The following ITGA3 variants were observed in gnomAD, a reference collection of about 807,000 sequenced individuals.
ITGA3 encodes the protein integrin subunit alpha 3, also known as integrin alpha-3.
A neutral mutation model predicts 131.1 loss-of-function variants in ITGA3; 70 were observed. That is an observed-to-expected ratio of 0.53 (90% CI 0.44 to 0.65). ITGA3 has a LOEUF of 0.65. Among genes scored for constraint, ITGA3 ranks in the 30% least tolerant of loss-of-function variants. The probability of loss-of-function intolerance (pLI) is 0.00; values close to 1 mark genes in which losing one functional copy is unlikely to be tolerated. For synonymous variants in ITGA3, 537 were observed against 571.6 expected (o/e 0.94, Z 0.86); for missense variants, 1,098 against 1,388.6 (o/e 0.79, Z 3.33).
At chr17:50,081,641 G>A (rs1436973368) in intron 23 of ITGA3, among the ~76,000 whole-genome samples, 1 of 152,180 alleles carries the variant, frequency 6.6e-6, no homozygotes, top group Admixed American at 6.5e-5. Flanking sequence ...TGATGCTAAT[G>A]TGCAGCCAGG....
intron 21 of ITGA3, 58 bp downstream of exon 21, chr17:50,079,615 G>A (rs1909093011): frequency 6.9e-7 from 1 of 1,448,128 alleles, no homozygotes; most frequent in Admixed American, 2.7e-5. Flanking sequence ...AGGGTGCCTG[G>A]GCACCAGGGG....
At chr17:50,072,277 C>T in intron 7 of ITGA3, 95 bp downstream of exon 7, 1 of 1,132,072 alleles carries the variant, frequency 8.8e-7, no homozygotes, top group Middle Eastern at 3.0e-4. Flanking sequence ...TCAGGCTTGA[C>T]AGGGCCCACA....
At chr17:50,077,182 T>C (rs1797088006) in intron 15 of ITGA3, 61 bp downstream of exon 15, 1 of 1,476,738 alleles carries the variant, frequency 6.8e-7, no homozygotes, top group Admixed American at 2.2e-5. Context: ...TGCATCCCCA[T>C]ATCCATGTCC....
chr17:50,075,659 G>A lies in ITGA3; in HGVS notation c.1598G>A (p.Gly533Asp), dbSNP rs781527442. The A allele has an allele frequency of 6.2e-7, 1 of 1,614,230 alleles. No individual in the cohort carries two copies. Among genetic ancestry groups the A allele is most frequent in the Non-Finnish European group, 8.5e-7 (1 of 1,180,044 alleles). Residue 533 changes from glycine to aspartate, a missense_variant, in exon 12 of 26, where the codon GGC becomes GAC. Physicochemically the swap from Gly to Asp is moderately conservative, Grantham distance 94 (BLOSUM62 -1). This residue lies in a region of ITGA3 where 699 missense variants were observed against 829.2 expected (regional missense o/e 0.84). Transcript: ENST00000320031. ...CGGCCGCCCCGGCTCCGCTTTGCCGGCAGTGAGTCCGCTGTCTTCCACGGC... is the reference window on the plus strand; with the variant it reads ...CGGCCGCCCCGGCTCCGCTTTGCCGACAGTGAGTCCGCTGTCTTCCACGGC... ...DRRPPRLRFAGSESAVFHGFF... is the reference protein window; with the variant it reads ...DRRPPRLRFADSESAVFHGFF...
chr17:50,065,885 A>C (rs1908316878), intron 3 of ITGA3: 1 of 151,878 alleles, frequency 6.6e-6, no homozygotes, highest in Non-Finnish European at 1.5e-5. Context: ...TATAAAAAAT[A>C]AGCCGGGTGC....
chr17:50,081,521 C>T, intron 23 of ITGA3, 113 bp downstream of exon 23: 1 of 797,530 alleles, frequency 1.3e-6, no homozygotes, highest in South Asian at 1.7e-5. Context: ...ATCTTGGCCA[C>T]ACGGTAAGAG....
At position 50,081,368 on chromosome 17, in the gene ITGA3, C is replaced by A; in HGVS notation, c.2879C>A (p.Thr960Asn). ...GGCTGGGCTACCCTATTCCTCCGAACCAGCATCCCCACCATCAACATGGAG... is the reference window on the plus strand; with the variant it reads ...GGCTGGGCTACCCTATTCCTCCGAAACAGCATCCCCACCATCAACATGGAG... ...VNGWATLFLR[T>N]SIPTINMENK... The change falls in exon 23 of 26, where the codon ACC becomes AAC. Residue 960 changes from threonine to asparagine, a missense_variant. Physicochemically the swap from Thr to Asn is moderately conservative, Grantham distance 65. Coordinates refer to ENST00000320031, the MANE Select transcript of ITGA3 (RefSeq NM_002204.4). 1 of 1,589,702 alleles carries A rather than the reference C, an allele frequency of 6.3e-7. No individual in the cohort carries two copies. Among genetic ancestry groups the A allele is most frequent in the Admixed American group, 1.8e-5 (1 of 56,902 alleles).
At chr17:50,068,647 A>G (rs1472414526) in intron 4 of ITGA3, among the ~76,000 whole-genome samples, 1 of 151,626 alleles carries the variant, frequency 6.6e-6, no homozygotes, top group East Asian at 1.9e-4. Flanking sequence ...GACCGCAGGC[A>G]TGTGCCACTA....
intron 24 of ITGA3, 107 bp downstream of exon 24, chr17:50,087,976 C>A (rs146828784): frequency 7.1e-7 from 1 of 1,408,962 alleles, no homozygotes; most frequent in Non-Finnish European, 9.5e-7. Context: ...ATCTCACCCC[C>A]ACCCTTCCTC....
At chr17:50,087,533 G>T in intron 23 of ITGA3, 6 of 504,174 alleles carry the variant, frequency 1.2e-5, no homozygotes, top group Non-Finnish European at 2.1e-5. Flanking sequence ...ATCTGAGGCC[G>T]CTCCTCTGGA....
At position 50,064,314 on chromosome 17, in the gene ITGA3, G is replaced by A. The variant is rs150880382; in HGVS notation, c.334+110G>A. ...AGGCTTGTTCACACGGCTTCTAGTC[G>A]CTTCTTGTCCAGCTGGGAAGAGGGT... On this transcript the variant is annotated intron_variant, in intron 2 of 25. Coordinates refer to ENST00000320031, the MANE Select transcript of ITGA3 (RefSeq NM_002204.4). The surrounding 1 kb of genome is among the most constrained non-coding windows in gnomAD (Gnocchi z 4.4). The A allele has an allele frequency of 2.7e-4, 377 of 1,408,286 alleles. No individual in the cohort carries two copies. In the African/African-American group the frequency reaches 5.0e-3, roughly 19 times the overall value. The allele number at this position is 1,408,286 out of a possible 1,614,324, so 87.2% of individuals were successfully genotyped here.
intron 22 of ITGA3, 115 bp downstream of exon 22, chr17:50,080,490 G>A (rs954813284): frequency 3.3e-6 from 2 of 601,504 alleles, no homozygotes; most frequent in Non-Finnish European, 5.9e-6. Flanking sequence ...GTGTGTGTGT[G>A]TGTGTGTGTG....
At position 50,070,878 on chromosome 17, in the gene ITGA3, C is replaced by T; in HGVS notation, c.699C>T (p.Asp233=). ...ACATGATTCAGCGCAAGGAGTGGGA[C>T]TTATCTGAGTATAGTTACAAGGACC... ...NSYMIQRKEW[D]LSEYSYKDPE... is the part of the protein sequence containing the mutation. Residue 233 remains aspartate (D), a synonymous_variant, in exon 5 of 26, where the codon GAC becomes GAT. Coordinates refer to ENST00000320031, the MANE Select transcript of ITGA3 (RefSeq NM_002204.4). 1.2e-6 allele frequency: 2 copies of T among 1,612,608 alleles called. No individual in the cohort carries two copies. The highest frequency in any genetic ancestry group is 1.7e-6 in the Non-Finnish European group (2 of 1,178,868).
intron 10 of ITGA3, 49 bp downstream of exon 10, chr17:50,074,583 G>A (rs1598189400): frequency 7.3e-7 from 1 of 1,371,710 alleles, no homozygotes; most frequent in Non-Finnish European, 1.0e-6. Context: ...AGGGAGGCTA[G>A]GAGGGGCTGC....
At chr17:50,076,816 G>C (rs1908929725) in intron 14 of ITGA3, 135 bp downstream of exon 14, 1 of 1,174,650 alleles carries the variant, frequency 8.5e-7, no homozygotes, top group Non-Finnish European at 1.2e-6. Context: ...GGGATGGTCA[G>C]AAACGGGGCT....
Position 50,087,782 on chromosome 17 carries a change from G to C in ITGA3, c.2958G>C (p.Leu986=). 6.2e-7 allele frequency: 1 copy of C among 1,613,296 alleles called. No individual in the cohort carries two copies. ...TTGACTCGGAGCTGGTGGAGGAGCT[G>C]CCGGCCGAAATCGAGCTGTGGCTGG... The part of the protein sequence containing the change: ...VDIDSELVEE[L]PAEIELWLVL... The change falls in exon 24 of 26, where the codon CTG becomes CTC. Residue 986 remains leucine (L), a synonymous_variant. Transcript: ENST00000320031.
rs773482641 is a variant in ITGA3 at position 50,080,370 on chromosome 17, A to T, written c.2815A>T (p.Ile939Phe). 2 of 1,606,378 alleles carry T rather than the reference A, an allele frequency of 1.2e-6. No homozygotes were observed. Among genetic ancestry groups the T allele is most frequent in the Admixed American group, 1.7e-5 (1 of 59,814 alleles). ...VKARVWNSTF[I>F]EDYRDFDRVR... Reference sequence around the variant, plus strand: ...GGCACGAGTGTGGAACAGCACCTTCATCGAGGTCAGTGCCTGGGTCTGAAG... The same window carrying T: ...GGCACGAGTGTGGAACAGCACCTTCTTCGAGGTCAGTGCCTGGGTCTGAAG... Residue 939 changes from isoleucine to phenylalanine, a missense_variant, in exon 22 of 26, where the codon ATC (isoleucine) becomes TTC (phenylalanine). By Grantham distance (21) the Ile-to-Phe change is conservative. Around this residue, in one of 3 missense-constraint regions of ITGA3, gnomAD observed 699 missense variants for 829.2 expected, o/e 0.84. Transcript: ENST00000320031.
intron 3 of ITGA3, chr17:50,065,878 A>G (rs1234827462): frequency 6.6e-6 from 1 of 151,872 alleles, no homozygotes; most frequent in East Asian, 1.9e-4. Flanking sequence ...CTAAAAATAT[A>G]AAAAATAAGC....
chr17:50,056,427 T>G lies in ITGA3; in HGVS notation c.-13T>G. ...CACGCGCTCTCGCCGGGACCCCGCT[T>G]CCGCTGGCAGCCATGGGCCCCGGCC... On this transcript the variant is annotated 5_prime_UTR_variant, in exon 1 of 26. Coordinates refer to ENST00000320031, the MANE Select transcript of ITGA3 (RefSeq NM_002204.4). This position sits in a 1 kb window ranked among gnomAD's most constrained non-coding sequence, Gnocchi z 5.6. 6.8e-7 allele frequency: 1 copy of G among 1,471,780 alleles called. No individual in the cohort carries two copies. Among genetic ancestry groups the G allele is most frequent in the Non-Finnish European group, 9.0e-7 (1 of 1,115,774 alleles). The allele number at this position is 1,471,780 out of a possible 1,614,324, so 91.2% of individuals were successfully genotyped here.
Sources: gnomAD v4.1 joint callset for allele counts (sites outside exome capture counted in the v4.1 genomes callset) on GRCh38, gnomAD v4.1.1 for gene constraint, gnomAD v4.1.1 regional missense constraint, Gnocchi (gnomAD v3.1) non-coding constraint, MANE v1.5 for transcripts, NCBI Gene and HGNC (gene_info 2026-07-23, HGNC 2026-07-21) for gene names.